The following STRN variants were observed in gnomAD, a reference collection of about 807,000 sequenced individuals.
STRN encodes striatin, also known as protein phosphatase 2 regulatory subunit B'''alpha.
STRN carries 53 observed loss-of-function variants against 96.3 expected under a neutral mutation model. The ratio of observed to expected loss-of-function variants is 0.55; its 90% CI spans 0.44 to 0.69. The LOEUF is 0.69. Among genes scored for constraint, STRN ranks in the 30% least tolerant of loss-of-function variants. The pLI is 0.00. For missense variants in STRN, 987 were observed against 963.9 expected (o/e 1.02, Z -0.32); for synonymous variants, 428 against 355.9 (o/e 1.20, Z -2.28).
At chr2:36,930,188 T>C (rs1365709231) in intron 1 of STRN, among the ~76,000 whole-genome samples, 24 of 152,214 alleles carry the variant, frequency 1.6e-4, no homozygotes, top group Admixed American at 1.6e-3. Context: ...TCCCAGCACT[T>C]TGGGAGACCG....
At chr2:36,964,272 G>GTT (rs1396593481) in intron 1 of STRN, among the ~76,000 whole-genome samples, 5 of 132,960 alleles carry the variant, frequency 3.8e-5, no homozygotes, top group East Asian at 2.2e-4. Context: ...TTTTGTTTTT[G>GTT]TTTTTTTTTT....
intron 1 of STRN, among the ~76,000 whole-genome samples, chr2:36,953,495 C>G (rs1167881084): frequency 2.0e-5 from 3 of 151,672 alleles, no homozygotes; most frequent in Non-Finnish European, 4.4e-5. Context: ...CTCCGCCTCC[C>G]AGGTTCACAC....
intron 4 of STRN, chr2:36,902,969 A>G (rs1041154973): frequency 3.1e-6 from 1 of 319,132 alleles, no homozygotes. Context: ...TGAGAGAACT[A>G]TACAATACAC....
At chr2:36,872,613 C>G (rs1292423188) in intron 10 of STRN, among the ~76,000 whole-genome samples, 3 of 152,146 alleles carry the variant, frequency 2.0e-5, no homozygotes, top group Non-Finnish European at 4.4e-5. Flanking sequence ...AAACCAGGAA[C>G]TACTTTGGGA....
intron 5 of STRN, among the ~76,000 whole-genome samples, chr2:36,900,832 G>C (rs1669662476): frequency 6.6e-6 from 1 of 152,070 alleles, no homozygotes; most frequent in South Asian, 2.1e-4. Context: ...GGCAGAGGTT[G>C]CAGTAAGCTG....
rs79445098 is a variant in STRN at position 36,853,556 on chromosome 2, A to T, written c.1978+1656T>A. On this transcript the variant is annotated intron_variant, in intron 15 of 17. Coordinates refer to ENST00000263918, the MANE Select transcript of STRN (RefSeq NM_003162.4). The stretch of plus-strand genomic sequence containing the variant: ...CAGAGAAGTCGGCAGAATGCAAAGA[A>T]CACTACTCATACCTAGCTTGTGACG... Among the ~76,000 whole-genome samples, 1,103 of 152,346 alleles carry T rather than the reference A, an allele frequency of 7.2e-3. 15 individuals are homozygous for T. Among genetic ancestry groups the T allele is most frequent in the African/African-American group, 0.026 (1,061 of 41,572 alleles).
intron 6 of STRN, 91 bp from the exon 7 acceptor site, chr2:36,894,124 C>T (rs1412942883): frequency 2.4e-5 from 34 of 1,443,242 alleles, no homozygotes; most frequent in Non-Finnish European, 2.9e-5. Context: ...AGAAAGTATA[C>T]GTTTGTTGTG....
At chr2:36,865,402 T>C (rs544402155) in intron 12 of STRN, among the ~76,000 whole-genome samples, 1 of 152,280 alleles carries the variant, frequency 6.6e-6, no homozygotes, top group South Asian at 2.1e-4. Context: ...CTACCTATCT[T>C]ATTCTTTCGA....
In STRN at chr2:36,966,332, T is replaced by C. The variant is rs1665162264; in HGVS notation, c.132A>G (p.Arg44=). The C allele has an allele frequency of 6.7e-7, 1 of 1,484,532 alleles. No homozygotes were observed. The highest frequency in any genetic ancestry group is 8.9e-7 in the Non-Finnish European group (1 of 1,118,524). The allele number at this position is 1,484,532 out of a possible 1,614,324, so 92.0% of individuals were successfully genotyped here. ...GGATCCCCGGGAGACTGTACTGGGC[T>C]CGGGCCGCCCCCGCCGCAGCCGCCC... ...GDGAAAAGAA[R]AQYSLPGILH... The change falls in exon 1 of 18, where the codon CGA becomes CGG. Residue 44 remains arginine (R), a synonymous_variant. Coordinates refer to ENST00000263918, the MANE Select transcript of STRN (RefSeq NM_003162.4).
chr2:36,921,398 C>T (rs528497355), intron 2 of STRN, among the ~76,000 whole-genome samples: 22 of 152,202 alleles, frequency 1.4e-4, no homozygotes, highest in African/African-American at 5.3e-4. Flanking sequence ...TCCTGTCACT[C>T]CTTCTAGTTC....
At chr2:36,920,227 TTTTAAAATTCAA>T (rs1670216230) in intron 2 of STRN, among the ~76,000 whole-genome samples, 2 of 152,242 alleles carry the variant, frequency 1.3e-5, no homozygotes, top group African/African-American at 2.4e-5. Flanking sequence ...CAATAATTTT[TTTTAAAATTCAA>T]TTTAAAATTC....
intron 3 of STRN, among the ~76,000 whole-genome samples, chr2:36,912,757 A>C (rs909614963): frequency 2.6e-4 from 40 of 152,198 alleles, no homozygotes; most frequent in Non-Finnish European, 5.0e-4. Context: ...CTCAAGACCC[A>C]TATACTCAAC....
chr2:36,857,728 C>T (rs1014736798), intron 14 of STRN, 128 bp downstream of exon 14: 4 of 751,566 alleles, frequency 5.3e-6, no homozygotes, highest in African/African-American at 1.8e-5. Flanking sequence ...CAAACAAATA[C>T]ACTTTCGTGG....
intron 3 of STRN, among the ~76,000 whole-genome samples, chr2:36,905,838 G>A (rs1462271512): frequency 6.6e-6 from 1 of 152,108 alleles, no homozygotes; most frequent in African/African-American, 2.4e-5. Flanking sequence ...AAGAGTAGCA[G>A]AACTAAAATA....
At chr2:36,932,656 A>G (rs2372786) in intron 1 of STRN, among the ~76,000 whole-genome samples, 91,210 of 151,932 alleles carry the variant, frequency 0.6, 29,447 homozygotes, top group African/African-American at 0.85. Flanking sequence ...GGTTAGGAGT[A>G]CAGTGGCATG....
At chr2:36,902,546 T>C (rs1314266482) in intron 5 of STRN, 38 bp downstream of exon 5, 1 of 1,537,646 alleles carries the variant, frequency 6.5e-7, no homozygotes. Context: ...TAATAAGAAC[T>C]AATAATAGCT....
At chr2:36,937,980 T>G (rs959717554) in intron 1 of STRN, among the ~76,000 whole-genome samples, 1 of 152,158 alleles carries the variant, frequency 6.6e-6, no homozygotes, top group Non-Finnish European at 1.5e-5. Context: ...GCAAATAGGC[T>G]ATGATCACAT....
At chr2:36,894,594 C>CTTT (rs1340000925) in intron 6 of STRN, among the ~76,000 whole-genome samples, 49 of 152,188 alleles carry the variant, frequency 3.2e-4, no homozygotes, top group African/African-American at 1.1e-3. Context: ...GTCTCCATCT[C>CTTT]AGTCACCTTT....
At chr2:36,916,258 A>G in intron 2 of STRN, 107 bp from the exon 3 acceptor site, 1 of 936,988 alleles carries the variant, frequency 1.1e-6, no homozygotes, top group Non-Finnish European at 1.6e-6. Flanking sequence ...ACACTCCTAG[A>G]ACTTTCAAAG....
Sources: gnomAD v4.1 joint callset for allele counts (sites outside exome capture counted in the v4.1 genomes callset) on GRCh38, gnomAD v4.1.1 for gene constraint, MANE v1.5 for transcripts, NCBI Gene and HGNC (gene_info 2026-07-23, HGNC 2026-07-21) for gene names.